RANBP10: variants seen among roughly 807,000 people sequenced by gnomAD.
The protein encoded by RANBP10 is ran-binding protein 10.
In RANBP10, 24 loss-of-function variants were observed where a neutral mutation model predicts 72.8. The ratio of observed to expected loss-of-function variants is 0.33; its 90% CI spans 0.24 to 0.46. The LOEUF (loss-of-function observed/expected upper bound fraction) is 0.46. Ranked by LOEUF, RANBP10 falls within the 20% of genes least tolerant of loss-of-function variation. RANBP10 has a pLI of 1.00. For missense variants in RANBP10, 679 were observed against 817.5 expected (o/e 0.83, Z 2.07); for synonymous variants, 310 against 322.3 (o/e 0.96, Z 0.41).
chr16:67,799,358 G>A (rs1477779208), intron 2 of RANBP10, among the ~76,000 whole-genome samples: 2 of 149,940 alleles, frequency 1.3e-5, no homozygotes, highest in Non-Finnish European at 3.0e-5. Context: ...CGCGATCTCG[G>A]CTCACTGCAA....
intron 2 of RANBP10, among the ~76,000 whole-genome samples, chr16:67,787,332 G>C (rs936523608): frequency 6.6e-6 from 1 of 151,972 alleles, no homozygotes; most frequent in Non-Finnish European, 1.5e-5. Context: ...ACCAGACTAG[G>C]CAAGACAGCA....
intron 3 of RANBP10, among the ~76,000 whole-genome samples, chr16:67,757,910 A>G (rs2054318904): frequency 6.6e-6 from 1 of 152,096 alleles, no homozygotes; most frequent in Non-Finnish European, 1.5e-5. Flanking sequence ...AGCCATGGTA[A>G]AGGGGGCAGG....
chr16:67,743,962 C>A (rs778663808), intron 4 of RANBP10, among the ~76,000 whole-genome samples: 6 of 152,200 alleles, frequency 3.9e-5, no homozygotes, highest in Non-Finnish European at 7.3e-5. Context: ...AAACCACCAC[C>A]ACGCAACCTA....
chr16:67,731,690 G>A (rs886275354), intron 6 of RANBP10, 106 bp from the exon 7 acceptor site: 27 of 734,450 alleles, frequency 3.7e-5, no homozygotes, highest in African/African-American at 5.4e-5. Context: ...CCCTAAACAC[G>A]TCCTGGAGGT....
intron 3 of RANBP10, among the ~76,000 whole-genome samples, chr16:67,764,597 C>A (rs1422516150): frequency 6.6e-6 from 1 of 152,238 alleles, no homozygotes; most frequent in Non-Finnish European, 1.5e-5. Context: ...CCAAGTCCAG[C>A]TGAATCACCT....
At chr16:67,727,185 C>T in intron 13 of RANBP10, 142 bp downstream of exon 13, 1 of 702,258 alleles carries the variant, frequency 1.4e-6, no homozygotes, top group South Asian at 2.1e-5. Context: ...CCCAGCTACT[C>T]AGGAGGCTGA....
Position 67,768,591 on chromosome 16 carries a change from C to T in RANBP10, c.400+3443G>A, listed in dbSNP as rs140778093. ...ACTAGCTGAGCATGGTGGCATGTGC[C>T]GGTAGTCCCAGCTACTTCGGGGGCT... is the stretch of plus-strand genomic sequence containing the variant. On this transcript the variant is annotated intron_variant, in intron 3 of 13. Transcript: ENST00000317506. Among the ~76,000 whole-genome samples, 768 of 151,912 alleles carry T rather than the reference C, an allele frequency of 5.1e-3. 4 individuals carry two copies. The highest frequency in any genetic ancestry group is 0.018 in the African/African-American group (750 of 41,452).
At chr16:67,763,840 G>A (rs936668974) in intron 3 of RANBP10, among the ~76,000 whole-genome samples, 12 of 152,114 alleles carry the variant, frequency 7.9e-5, no homozygotes, top group African/African-American at 2.9e-4. Flanking sequence ...GACTGTAGGC[G>A]CACGCCACCA....
intron 2 of RANBP10, among the ~76,000 whole-genome samples, chr16:67,776,461 CAAAAAAAAAAAAAA>C: frequency 2.6e-5 from 1 of 37,914 alleles, no homozygotes; most frequent in South Asian, 1.1e-3. Context: ...GACTCCATCT[CAAAAAAAAAAAAAA>C]AAAAAAAAAA....
In RANBP10 at chr16:67,752,631, A is replaced by AGGTATATACCTTATATATATATATAT; in HGVS notation, c.401-8202_401-8177dup. Among the ~76,000 whole-genome samples, 3 of 152,088 alleles carry AGGTATATACCTTATATATATATATAT rather than the reference A, an allele frequency of 2.0e-5. No homozygotes were observed. The East Asian group carries it at 5.8e-4, about 29-fold the overall frequency. ...CAATAAGTGTCTGTGTGTATATATAAGGTATATACCTTATATATATATATA... is the reference window on the plus strand; with the variant it reads ...CAATAAGTGTCTGTGTGTATATATAAGGTATATACCTTATATATATATATATGGTATATACCTTATATATATATATA... On this transcript the variant is annotated intron_variant, in intron 3 of 13. Coordinates refer to ENST00000317506, the MANE Select transcript of RANBP10 (RefSeq NM_020850.3).
intron 2 of RANBP10, among the ~76,000 whole-genome samples, chr16:67,784,044 CAAAAAAAA>C (rs747315565): frequency 2.0e-5 from 1 of 50,302 alleles, no homozygotes; most frequent in Non-Finnish European, 4.5e-5. Flanking sequence ...GACTCCGTCT[CAAAAAAAA>C]AAAAAAAAAA....
intron 3 of RANBP10, among the ~76,000 whole-genome samples, chr16:67,760,282 T>C (rs1163457523): frequency 6.6e-6 from 1 of 152,200 alleles, no homozygotes; most frequent in African/African-American, 2.4e-5. Context: ...TTTTCATTGC[T>C]TGCCACTCAG....
At chr16:67,754,281 C>T (rs1288669483) in intron 3 of RANBP10, among the ~76,000 whole-genome samples, 1 of 152,162 alleles carries the variant, frequency 6.6e-6, no homozygotes, top group Admixed American at 6.5e-5. Flanking sequence ...GACTTCGTGG[C>T]TCCTTCTCAG....
chr16:67,747,921 C>T (rs543150805), intron 3 of RANBP10, among the ~76,000 whole-genome samples: 31 of 149,618 alleles, frequency 2.1e-4, no homozygotes, highest in Admixed American at 6.0e-4. Flanking sequence ...CCCAGGTTCA[C>T]GCCATTCTCC....
intron 3 of RANBP10, among the ~76,000 whole-genome samples, chr16:67,761,946 T>C (rs2054403090): frequency 6.6e-6 from 1 of 152,068 alleles, no homozygotes; most frequent in South Asian, 2.1e-4. Flanking sequence ...AACACACACC[T>C]TTTCCCAATA....
At chr16:67,790,549 T>C (rs1211991559) in intron 2 of RANBP10, among the ~76,000 whole-genome samples, 3 of 151,612 alleles carry the variant, frequency 2.0e-5, no homozygotes, top group Admixed American at 6.6e-5. Context: ...CATCTGGCTT[T>C]TCCCGATGAG....
intron 3 of RANBP10, among the ~76,000 whole-genome samples, chr16:67,745,126 A>C (rs1436545348): frequency 1.3e-5 from 2 of 148,324 alleles, no homozygotes; most frequent in African/African-American, 5.0e-5. Flanking sequence ...CACCGTGCCC[A>C]GCCGATGCCC....
intron 2 of RANBP10, among the ~76,000 whole-genome samples, chr16:67,780,467 G>A (rs947823514): frequency 3.9e-5 from 6 of 152,130 alleles, no homozygotes; most frequent in Non-Finnish European, 7.4e-5. Flanking sequence ...AAGGGGCTAA[G>A]CTGGGGATGG....
intron 3 of RANBP10, among the ~76,000 whole-genome samples, chr16:67,767,265 C>T (rs1023682149): frequency 2.6e-5 from 4 of 152,002 alleles, no homozygotes; most frequent in Admixed American, 1.3e-4. Flanking sequence ...CTACTCCACT[C>T]CATGGATCTC....
Sources: allele counts gnomAD v4.1 joint callset (sites outside exome capture counted in the v4.1 genomes callset), GRCh38; gene constraint gnomAD v4.1.1; transcripts MANE v1.5; gene names NCBI Gene and HGNC (gene_info 2026-07-23, HGNC 2026-07-21).